The following PSMA1 variants were observed in gnomAD, a reference collection of about 807,000 sequenced individuals.
PSMA1 encodes proteasome 20S subunit alpha 1, also known as proteasome subunit alpha type-1.
PSMA1 carries 3 observed loss-of-function variants against 38.4 expected under a neutral mutation model. That is an observed-to-expected ratio of 0.08 (90% CI 0.04 to 0.20). PSMA1 has a LOEUF of 0.20. PSMA1 is among the 10% of genes least tolerant of loss of function. The pLI is 1.00. For missense variants in PSMA1, 227 were observed against 325.3 expected (o/e 0.70, Z 2.32); for synonymous variants, 101 against 107.1 (o/e 0.94, Z 0.35).
In PSMA1 at chr11:14,505,191, C is replaced by G; in HGVS notation, c.*1G>C. 1.2e-6 allele frequency: 2 copies of G among 1,611,892 alleles called. No homozygotes were observed. Among genetic ancestry groups the G allele is most frequent in the Middle Eastern group, 1.7e-4 (1 of 6,050 alleles). ...AATACATATATAGACTGGCTTATCA[C>G]TTAATGTTCCATTGGTTCATCAGCC... On this transcript the variant is annotated 3_prime_UTR_variant, in exon 10 of 10. Coordinates refer to ENST00000396394, the MANE Select transcript of PSMA1 (RefSeq NM_002786.4).
At chr11:14,508,566 A>AAAAAAAAAAAAAAAAAC (rs1851287287) in intron 8 of PSMA1, among the ~76,000 whole-genome samples, 2 of 148,884 alleles carry the variant, frequency 1.3e-5, no homozygotes, top group African/African-American at 4.9e-5. Flanking sequence ...CATCTCAAAA[A>AAAAAAAAAAAAAAAAAC]AAAAAAAAAA....
In PSMA1 at chr11:14,519,072, T is replaced by C. The variant is rs1288914857; in HGVS notation, c.4-31A>G. On this transcript the variant is annotated intron_variant, in intron 1 of 9. Transcript: ENST00000396394. ...AGTAAAAGAAAAAAATACCTGTTAATAGAAGAACATTTCAAATCCCAACTC... is the reference window on the plus strand; with the variant it reads ...AGTAAAAGAAAAAAATACCTGTTAACAGAAGAACATTTCAAATCCCAACTC... 6 of 1,486,932 alleles carry C rather than the reference T, an allele frequency of 4.0e-6. No homozygotes were observed. In the South Asian group the frequency reaches 4.7e-5, roughly 12 times the overall value. 92.1% of individuals were successfully genotyped at this position (1,486,932 alleles called of 1,614,324 possible). A position where few individuals can be genotyped will look rare whatever the true frequency, so the allele number is the denominator to read the frequency against.
At chr11:14,543,559 T>C (rs1291776686) in intron 2 of PSMA1, among the ~76,000 whole-genome samples, 1 of 152,096 alleles carries the variant, frequency 6.6e-6, no homozygotes, top group African/African-American at 2.4e-5. Flanking sequence ...ATAAGGAGGA[T>C]TTATTGGCTT....
intron 2 of PSMA1, among the ~76,000 whole-genome samples, chr11:14,593,613 TGAGAGAGAG>T (rs1331162094): frequency 8.1e-5 from 8 of 98,912 alleles, no homozygotes; most frequent in Non-Finnish European, 1.4e-4. Flanking sequence ...GGAGGAAAAA[TGAGAGAGAG>T]AGAGAGAGAG....
chr11:14,579,003 C>T (rs1251880342), intron 2 of PSMA1, among the ~76,000 whole-genome samples: 1 of 152,104 alleles, frequency 6.6e-6, no homozygotes, highest in African/African-American at 2.4e-5. Context: ...GTGAAGAAAC[C>T]AGCTCAAAGG....
chr11:14,537,497 A>G (rs1851722280), intron 2 of PSMA1, among the ~76,000 whole-genome samples: 2 of 151,330 alleles, frequency 1.3e-5, no homozygotes, highest in African/African-American at 4.8e-5. Context: ...AACTGAGTGT[A>G]TGTTCATGAA....
chr11:14,568,538 C>T (rs1042757505), intron 2 of PSMA1, among the ~76,000 whole-genome samples: 2 of 152,212 alleles, frequency 1.3e-5, no homozygotes, highest in Non-Finnish European at 2.9e-5. Context: ...ATTTCACAGT[C>T]CTTAACTCAG....
At chr11:14,514,544 C>T (rs1851396340) in intron 4 of PSMA1, 53 bp from the exon 5 acceptor site, 3 of 1,290,490 alleles carry the variant, frequency 2.3e-6, no homozygotes, top group Non-Finnish European at 2.1e-6. Context: ...ACAACTATTC[C>T]AATCTAAATT....
chr11:14,509,381 CATCTTT>C (rs1353923820), intron 8 of PSMA1, among the ~76,000 whole-genome samples: 3 of 152,138 alleles, frequency 2.0e-5, no homozygotes, highest in African/African-American at 7.2e-5. Flanking sequence ...CACTACTCTT[CATCTTT>C]AACTCTGTCA....
At chr11:14,544,035 C>G (rs1172313229) in intron 2 of PSMA1, among the ~76,000 whole-genome samples, 5 of 152,142 alleles carry the variant, frequency 3.3e-5, no homozygotes, top group Admixed American at 3.3e-4. Context: ...TGTACTACCT[C>G]AAAATAAAAC....
At chr11:14,520,044 A>C in intron 1 of PSMA1, 1 of 602,584 alleles carries the variant, frequency 1.7e-6, no homozygotes, top group Non-Finnish European at 3.0e-6. Context: ...GGGCGAACTC[A>C]TCTAGCTGAC....
intron 2 of PSMA1, among the ~76,000 whole-genome samples, chr11:14,607,853 T>A (rs982969632): frequency 2.0e-5 from 3 of 152,200 alleles, no homozygotes; most frequent in African/African-American, 7.2e-5. Context: ...TTTAGTACCC[T>A]AGTCATCTTC....
chr11:14,640,701 T>A (rs1008909634), intron 1 of PSMA1, among the ~76,000 whole-genome samples: 1 of 152,218 alleles, frequency 6.6e-6, no homozygotes, highest in African/African-American at 2.4e-5. Context: ...ATCCTTTCTA[T>A]GCTAGAGAAA....
intron 8 of PSMA1, among the ~76,000 whole-genome samples, chr11:14,509,574 T>TA (rs1851306716): frequency 6.6e-6 from 1 of 151,912 alleles, no homozygotes; most frequent in Non-Finnish European, 1.5e-5. Flanking sequence ...CTGATTTTTG[T>TA]ATTTTTAATA....
intron 2 of PSMA1, among the ~76,000 whole-genome samples, chr11:14,532,090 CA>C (rs1264211912): frequency 1.4e-5 from 2 of 146,648 alleles, no homozygotes; most frequent in African/African-American, 5.1e-5. Context: ...TTTCAGGGTA[CA>C]GGAGTTATCC....
chr11:14,609,749 T>C (rs887853977), intron 2 of PSMA1, among the ~76,000 whole-genome samples: 1 of 152,038 alleles, frequency 6.6e-6, no homozygotes, highest in Non-Finnish European at 1.5e-5. Context: ...TGAAGAGTGA[T>C]GAGATGAGAT....
At chr11:14,551,341 G>C (rs1037315099) in intron 2 of PSMA1, among the ~76,000 whole-genome samples, 5 of 152,110 alleles carry the variant, frequency 3.3e-5, no homozygotes, top group Admixed American at 6.6e-5. Flanking sequence ...TTCAAATTTA[G>C]AGTCCCTACG....
chr11:14,517,364 T>C (rs1851446939), intron 4 of PSMA1, among the ~76,000 whole-genome samples: 1 of 152,214 alleles, frequency 6.6e-6, no homozygotes, highest in Admixed American at 6.5e-5. Flanking sequence ...ACGTTCTTCT[T>C]AGACATAACA....
At chr11:14,571,592 G>T (rs913212192) in intron 2 of PSMA1, among the ~76,000 whole-genome samples, 1 of 152,194 alleles carries the variant, frequency 6.6e-6, no homozygotes, top group Non-Finnish European at 1.5e-5. Context: ...ATGCTAGGAA[G>T]AAACTGCATC....
Sources: allele counts gnomAD v4.1 joint callset (sites outside exome capture counted in the v4.1 genomes callset), GRCh38; gene constraint gnomAD v4.1.1; transcripts MANE v1.5; gene names NCBI Gene and HGNC (gene_info 2026-07-23, HGNC 2026-07-21).